PLCL1: variants seen among roughly 807,000 people sequenced by gnomAD.
PLCL1 encodes the protein inactive phospholipase C-like protein 1.
Under a neutral mutation model 84.4 loss-of-function variants are expected in PLCL1, and 41 were observed. That is an observed-to-expected ratio of 0.49 (90% confidence interval 0.38 to 0.63). The LOEUF (loss-of-function observed/expected upper bound fraction) is 0.63, where lower values mean the gene tolerates loss of function less well. Among genes scored for constraint, PLCL1 ranks in the 30% least tolerant of loss-of-function variants. The pLI, the probability that PLCL1 is intolerant of heterozygous loss-of-function variation, is 0.00. For synonymous variants in PLCL1, 490 were observed against 488.3 expected (o/e 1.00, Z -0.05); for missense variants, 1,206 against 1,367.8 (o/e 0.88, Z 1.87).
chr2:198,100,764 A>G (rs1342173272), intron 3 of PLCL1, among the ~76,000 whole-genome samples: 3 of 152,040 alleles, frequency 2.0e-5, no homozygotes, highest in Non-Finnish European at 4.4e-5. Flanking sequence ...GCTGCTTGAG[A>G]GAATTCGGAG....
chr2:197,853,779 A>G (rs1308509494), intron 1 of PLCL1, among the ~76,000 whole-genome samples: 1 of 152,034 alleles, frequency 6.6e-6, no homozygotes, highest in African/African-American at 2.4e-5. Flanking sequence ...GCCCCATTTT[A>G]TGCTTTTATG....
chr2:198,029,776 C>T (rs969979666), intron 1 of PLCL1, among the ~76,000 whole-genome samples: 6 of 146,458 alleles, frequency 4.1e-5, no homozygotes, highest in African/African-American at 9.9e-5. Flanking sequence ...TCTTGGCTCA[C>T]TACGACTTCT....
At chr2:197,846,069 G>T (rs568843412) in intron 1 of PLCL1, among the ~76,000 whole-genome samples, 2 of 152,016 alleles carry the variant, frequency 1.3e-5, no homozygotes, top group East Asian at 1.9e-4. Context: ...AGGAAGAGGG[G>T]TATAAAATAC....
chr2:197,936,996 A>T (rs73056859), intron 1 of PLCL1, among the ~76,000 whole-genome samples: 1 of 152,092 alleles, frequency 6.6e-6, no homozygotes, highest in Middle Eastern at 3.2e-3. Flanking sequence ...TTTCTTCTGC[A>T]TATGGATACC....
rs915133667 is a variant in PLCL1 at position 197,859,648 on chromosome 2, A to G, written c.240+54309A>G. On this transcript the variant is annotated intron_variant, in intron 1 of 5. Transcript: ENST00000428675. ...TGAGTTGTAGTGGTCATAAAGTCGT[A>G]GTGATATCTATTACCTTTCCTATGA... 4.6e-5 allele frequency among the ~76,000 whole-genome samples: 7 copies of G among 152,172 alleles called. No individual in the cohort carries two copies. The South Asian group carries it at 1.4e-3, about 31-fold the overall frequency.
At chr2:198,022,037 T>C (rs956977722) in intron 1 of PLCL1, among the ~76,000 whole-genome samples, 2 of 152,186 alleles carry the variant, frequency 1.3e-5, no homozygotes, top group Non-Finnish European at 2.9e-5. Context: ...TTATCCACCA[T>C]GATCAAGTTG....
At chr2:197,910,956 G>A (rs895005329) in intron 1 of PLCL1, among the ~76,000 whole-genome samples, 4 of 152,118 alleles carry the variant, frequency 2.6e-5, no homozygotes, top group Admixed American at 1.3e-4. Context: ...TTAATGGACA[G>A]GATGTTTATT....
chr2:197,887,460 A>C (rs984356860), intron 1 of PLCL1, among the ~76,000 whole-genome samples: 6 of 152,214 alleles, frequency 3.9e-5, no homozygotes, highest in Non-Finnish European at 7.3e-5. Flanking sequence ...GGCTGTGTTT[A>C]GTTCTGCTAA....
At chr2:197,997,486 C>T (rs1012102100) in intron 1 of PLCL1, among the ~76,000 whole-genome samples, 1 of 152,180 alleles carries the variant, frequency 6.6e-6, no homozygotes, top group Non-Finnish European at 1.5e-5. Context: ...GGTTCTGAGA[C>T]AATGTGTAGT....
intron 1 of PLCL1, among the ~76,000 whole-genome samples, chr2:197,923,231 T>A (rs866097820): frequency 8.4e-6 from 1 of 119,648 alleles, no homozygotes; most frequent in African/African-American, 3.2e-5. Context: ...CCCTCCCGGA[T>A]GGGGCGGCTG....
chr2:197,956,845 A>G (rs55696134), intron 1 of PLCL1, among the ~76,000 whole-genome samples: 74,785 of 151,792 alleles, frequency 0.49, 18,935 homozygotes, highest in African/African-American at 0.58. Flanking sequence ...GGTAGATTGC[A>G]AAAATTTTCT....
Position 198,147,293 on chromosome 2 carries a change from C to A in PLCL1, c.*331C>A. ...TTCTGTTAAAATCTATTCTGTGTTGCATTATTCATTTAGTGAGTTATTCCT... is the reference window on the plus strand; with the variant it reads ...TTCTGTTAAAATCTATTCTGTGTTGAATTATTCATTTAGTGAGTTATTCCT... On this transcript the variant is annotated 3_prime_UTR_variant, in exon 6 of 6. Coordinates refer to ENST00000428675, the MANE Select transcript of PLCL1 (RefSeq NM_006226.4). 1 of 169,844 alleles carries A rather than the reference C, an allele frequency of 5.9e-6. No individual in the cohort carries two copies. Among genetic ancestry groups the A allele is most frequent in the Non-Finnish European group, 1.2e-5 (1 of 80,348 alleles). 10.5% of individuals were successfully genotyped at this position (169,844 alleles called of 1,614,324 possible). A position where few individuals can be genotyped will look rare whatever the true frequency, so the allele number is the denominator to read the frequency against.
At chr2:198,073,977 A>G (rs182704594) in intron 1 of PLCL1, among the ~76,000 whole-genome samples, 5 of 152,332 alleles carry the variant, frequency 3.3e-5, no homozygotes, top group Admixed American at 1.3e-4. Flanking sequence ...AATGTTTTTA[A>G]AAAGTAAATT....
chr2:197,900,917 A>G (rs1220491390), intron 1 of PLCL1, among the ~76,000 whole-genome samples: 1 of 152,148 alleles, frequency 6.6e-6, no homozygotes, highest in Non-Finnish European at 1.5e-5. Context: ...ATTTTTCTTC[A>G]AAGATTGTAA....
chr2:197,965,492 T>C (rs138955735), intron 1 of PLCL1, among the ~76,000 whole-genome samples: 1 of 152,194 alleles, frequency 6.6e-6, no homozygotes, highest in African/African-American at 2.4e-5. Context: ...TTGTTTTTAA[T>C]CTTTTCAAAA....
At chr2:197,894,981 G>A (rs1688105929) in intron 1 of PLCL1, among the ~76,000 whole-genome samples, 1 of 151,930 alleles carries the variant, frequency 6.6e-6, no homozygotes, top group African/African-American at 2.4e-5. Flanking sequence ...CAACACCATG[G>A]CTTGTTGAAC....
At chr2:197,810,230 C>T (rs1217751311) in intron 1 of PLCL1, 2 of 1,010,296 alleles carry the variant, frequency 2.0e-6, no homozygotes, top group Non-Finnish European at 2.7e-6. Context: ...AACATGGTCA[C>T]ATTTCACCTT....
At chr2:197,913,972 T>C (rs1331642689) in intron 1 of PLCL1, among the ~76,000 whole-genome samples, 2 of 152,194 alleles carry the variant, frequency 1.3e-5, no homozygotes. Context: ...ATTATACTAA[T>C]TAATATGTTA....
chr2:198,004,920 T>C (rs950073722), intron 1 of PLCL1, among the ~76,000 whole-genome samples: 1 of 152,194 alleles, frequency 6.6e-6, no homozygotes, highest in African/African-American at 2.4e-5. Context: ...AGGTCCAACT[T>C]AGCCAATGAA....
Sources: gnomAD v4.1 joint callset for allele counts (sites outside exome capture counted in the v4.1 genomes callset) on GRCh38, gnomAD v4.1.1 for gene constraint, MANE v1.5 for transcripts, NCBI Gene and HGNC (gene_info 2026-07-23, HGNC 2026-07-21) for gene names.